ZFPM2: variants seen among roughly 807,000 people sequenced by gnomAD.
The protein encoded by ZFPM2 is zinc finger protein, FOG family member 2.
In ZFPM2, 20 loss-of-function variants were observed where a neutral mutation model predicts 98.6. The observed-to-expected ratio is 0.20, with a 90% CI of 0.14 to 0.29. ZFPM2 has a LOEUF of 0.29. Among genes scored for constraint, ZFPM2 ranks in the 10% least tolerant of loss-of-function variants. The pLI, the probability that ZFPM2 is intolerant of heterozygous loss-of-function variation, is 1.00. For missense variants in ZFPM2, 1,310 were observed against 1,388.6 expected (o/e 0.94, Z 0.90); for synonymous variants, 518 against 502.7 (o/e 1.03, Z -0.41).
chr8:105,784,379 A>G (rs1283520869), intron 5 of ZFPM2, among the ~76,000 whole-genome samples: 1 of 128,694 alleles, frequency 7.8e-6, no homozygotes, highest in Non-Finnish European at 1.5e-5. Context: ...CTTCTTTTCT[A>G]AAATGAGTTA....
chr8:105,456,756 T>A (rs1005351997), intron 3 of ZFPM2, among the ~76,000 whole-genome samples: 3 of 152,186 alleles, frequency 2.0e-5, no homozygotes, highest in Non-Finnish European at 4.4e-5. Flanking sequence ...CACTGCAACC[T>A]CTGCCTCCTG....
chr8:105,592,637 G>C (rs1815875721), intron 4 of ZFPM2, among the ~76,000 whole-genome samples: 1 of 151,896 alleles, frequency 6.6e-6, no homozygotes, highest in Non-Finnish European at 1.5e-5. Flanking sequence ...AATATATGCA[G>C]ATATTGATGG....
chr8:105,332,135 A>C (rs1275332506), intron 1 of ZFPM2, among the ~76,000 whole-genome samples: 1 of 151,658 alleles, frequency 6.6e-6, no homozygotes, highest in African/African-American at 2.4e-5. Flanking sequence ...TTCTTTTCCT[A>C]GATTTCCGTA....
chr8:105,616,648 G>A, intron 4 of ZFPM2: 1 of 361,408 alleles, frequency 2.8e-6, no homozygotes, highest in Non-Finnish European at 5.5e-6. Flanking sequence ...ATTTGCAACA[G>A]GTTCATATGG....
intron 3 of ZFPM2, among the ~76,000 whole-genome samples, chr8:105,489,374 T>TTATATATTTATAGA (rs1554610576): frequency 2.7e-5 from 4 of 145,552 alleles, no homozygotes; most frequent in Non-Finnish European, 1.5e-5. Flanking sequence ...AGGTATATAT[T>TTATATATTTATAGA]TATATATTTA....
intron 3 of ZFPM2, among the ~76,000 whole-genome samples, chr8:105,510,086 C>T (rs1369420311): frequency 6.6e-6 from 1 of 152,038 alleles, no homozygotes; most frequent in Non-Finnish European, 1.5e-5. Flanking sequence ...TTAACCAGTC[C>T]TAGTTCAACT....
chr8:105,580,844 T>A lies in ZFPM2; in HGVS notation c.420+19363T>A, dbSNP rs113577363. Reference sequence around the variant, plus strand: ...CTCTCTCTCTATATATATATATATATAAATCACTGAGAGAAAAAATCTTTT... The same window carrying A: ...CTCTCTCTCTATATATATATATATAAAAATCACTGAGAGAAAAAATCTTTT... On this transcript the variant is annotated intron_variant, in intron 4 of 7. Transcript: ENST00000407775. 4.1e-3 allele frequency among the ~76,000 whole-genome samples: 608 copies of A among 148,802 alleles called. 3 individuals carry two copies. Among genetic ancestry groups the A allele is most frequent in the African/African-American group, 7.5e-3 (306 of 40,832 alleles).
At chr8:105,800,802 G>GA (rs755452311) in intron 7 of ZFPM2, among the ~76,000 whole-genome samples, 12 of 152,088 alleles carry the variant, frequency 7.9e-5, no homozygotes, top group Non-Finnish European at 1.6e-4. Flanking sequence ...ATAAAATGGA[G>GA]ACACTGACAC....
chr8:105,677,236 CATA>C (rs1480348934), intron 5 of ZFPM2, among the ~76,000 whole-genome samples: 1 of 150,382 alleles, frequency 6.6e-6, no homozygotes, highest in Admixed American at 6.6e-5. Context: ...TTAAGACAAA[CATA>C]ATAATGGCTA....
intron 1 of ZFPM2, among the ~76,000 whole-genome samples, chr8:105,403,611 T>C (rs1477572537): frequency 1.3e-5 from 2 of 151,956 alleles, no homozygotes; most frequent in South Asian, 2.1e-4. Flanking sequence ...ATGTTGTTTG[T>C]CCTATGTTCC....
At chr8:105,769,316 A>G (rs1164313007) in intron 5 of ZFPM2, among the ~76,000 whole-genome samples, 1 of 152,038 alleles carries the variant, frequency 6.6e-6, no homozygotes, top group Non-Finnish European at 1.5e-5. Flanking sequence ...ATCAGGATCT[A>G]TGATTGTATT....
At chr8:105,330,610 A>G in intron 1 of ZFPM2, among the ~76,000 whole-genome samples, 1 of 48,914 alleles carries the variant, frequency 2.0e-5, no homozygotes, top group Non-Finnish European at 3.4e-5. Flanking sequence ...ATATATATAT[A>G]CACATATATA....
chr8:105,443,204 G>T (rs1812290725), intron 2 of ZFPM2, among the ~76,000 whole-genome samples: 1 of 151,710 alleles, frequency 6.6e-6, no homozygotes, highest in Non-Finnish European at 1.5e-5. Flanking sequence ...AGCTACTTGG[G>T]AGGCTGAGGC....
intron 3 of ZFPM2, among the ~76,000 whole-genome samples, chr8:105,523,647 CT>C (rs1453418303): frequency 6.6e-6 from 1 of 152,198 alleles, no homozygotes; most frequent in African/African-American, 2.4e-5. Context: ...CTGCACCCCC[CT>C]ACCTCCGTGC....
chr8:105,562,770 C>A (rs1357136775), intron 4 of ZFPM2, among the ~76,000 whole-genome samples: 1 of 152,102 alleles, frequency 6.6e-6, no homozygotes, highest in Non-Finnish European at 1.5e-5. Flanking sequence ...GTCGTCTAAG[C>A]TAATTTCTCT....
chr8:105,577,788 AAGTG>A (rs2130734801), intron 4 of ZFPM2, among the ~76,000 whole-genome samples: 1 of 151,904 alleles, frequency 6.6e-6, no homozygotes, highest in Non-Finnish European at 1.5e-5. Flanking sequence ...AAAAAAAAAA[AAGTG>A]AGAAATGAAA....
chr8:105,608,580 GT>G (rs397978197), intron 4 of ZFPM2, among the ~76,000 whole-genome samples: 13,178 of 108,570 alleles, frequency 0.12, 649 homozygotes, highest in Middle Eastern at 0.24. Flanking sequence ...AACACCAAGA[GT>G]TTTTTTTTTT....
At chr8:105,681,855 T>C (rs950057146) in intron 5 of ZFPM2, among the ~76,000 whole-genome samples, 5 of 152,094 alleles carry the variant, frequency 3.3e-5, no homozygotes, top group African/African-American at 1.2e-4. Flanking sequence ...AACACTGACA[T>C]TTATAATTAA....
intron 3 of ZFPM2, among the ~76,000 whole-genome samples, chr8:105,495,659 A>G (rs1488759598): frequency 3.9e-5 from 6 of 152,260 alleles, no homozygotes; most frequent in Admixed American, 2.6e-4. Flanking sequence ...GTCCACATCA[A>G]CTGCAAAACA....
Sources: gnomAD v4.1 joint callset for allele counts (sites outside exome capture counted in the v4.1 genomes callset) on GRCh38, gnomAD v4.1.1 for gene constraint, MANE v1.5 for transcripts, NCBI Gene and HGNC (gene_info 2026-07-23, HGNC 2026-07-21) for gene names.